CPEB1: variants seen among roughly 807,000 people sequenced by gnomAD.
The protein encoded by CPEB1 is cytoplasmic polyadenylation element-binding protein 1.
In CPEB1, 7 loss-of-function variants were observed where a neutral mutation model predicts 65.8. The observed-to-expected ratio is 0.11, with a 90% CI of 0.06 to 0.20. The LOEUF is 0.20. Among genes scored for constraint, CPEB1 ranks in the 10% least tolerant of loss-of-function variants. The probability of loss-of-function intolerance (pLI) is 1.00; values close to 1 mark genes in which losing one functional copy is unlikely to be tolerated. For synonymous variants in CPEB1, 262 were observed against 260.0 expected (o/e 1.01, Z -0.08); for missense variants, 551 against 712.2 (o/e 0.77, Z 2.58).
At chr15:82,621,832 C>T (rs1168324057) in intron 3 of CPEB1, among the ~76,000 whole-genome samples, 1 of 152,158 alleles carries the variant, frequency 6.6e-6, no homozygotes, top group African/African-American at 2.4e-5. Context: ...CATATCAGTG[C>T]TAAACCTTAC....
intron 4 of CPEB1, chr15:82,562,196 G>A (rs1221409526): frequency 2.3e-6 from 1 of 440,586 alleles, no homozygotes; most frequent in Non-Finnish European, 4.5e-6. Context: ...ACATCTGTTT[G>A]TCTTCACATT....
intron 1 of CPEB1, among the ~76,000 whole-genome samples, chr15:82,644,222 G>A (rs1167085855): frequency 6.6e-6 from 1 of 152,118 alleles, no homozygotes; most frequent in Non-Finnish European, 1.5e-5. Flanking sequence ...TGGGATTCCT[G>A]CCAATGCAGT....
In CPEB1 at chr15:82,546,491, G is replaced by C. The variant is rs781151443; in HGVS notation, c.1606C>G (p.Leu536Val). 2 of 1,614,082 alleles carry C rather than the reference G, an allele frequency of 1.2e-6. No homozygotes were observed. The highest frequency in any genetic ancestry group is 1.1e-5 in the South Asian group (1 of 91,078). The change falls in exon 12 of 13, where the codon CTG becomes GTG. Residue 536 changes from leucine to valine, a missense_variant. Transcript: ENST00000684509. ...VQIDPYLEDS[L>V]CHICSSQPGP... ...GGCTGAGAACTGCAGATATGACACA[G>C]AGAATCTTCTAGGTAGGGGTCAATC...
At chr15:82,617,196 A>G (rs912499976) in intron 3 of CPEB1, among the ~76,000 whole-genome samples, 16 of 152,220 alleles carry the variant, frequency 1.1e-4, no homozygotes, top group Non-Finnish European at 2.2e-4. Flanking sequence ...CTTTCACTGA[A>G]CATAATTATC....
At chr15:82,617,794 C>T (rs552348086) in intron 3 of CPEB1, among the ~76,000 whole-genome samples, 7 of 115,274 alleles carry the variant, frequency 6.1e-5, no homozygotes, top group Admixed American at 1.2e-4. Flanking sequence ...AGTGCAGTGG[C>T]GGGATCTCGG....
chr15:82,608,317 T>A (rs995148409), intron 3 of CPEB1, among the ~76,000 whole-genome samples: 2 of 152,316 alleles, frequency 1.3e-5, no homozygotes, highest in Admixed American at 1.3e-4. Context: ...AATGGCTGGC[T>A]GTACTTGGTG....
At chr15:82,642,655 C>G (rs1372770531) in intron 1 of CPEB1, among the ~76,000 whole-genome samples, 2 of 152,172 alleles carry the variant, frequency 1.3e-5, no homozygotes, top group Non-Finnish European at 2.9e-5. Context: ...TCTTACATAA[C>G]CCCCTCTACC....
chr15:82,565,996 G>A (rs1388041320), intron 4 of CPEB1, among the ~76,000 whole-genome samples: 1 of 152,170 alleles, frequency 6.6e-6, no homozygotes, highest in Non-Finnish European at 1.5e-5. Context: ...ACCTCAGAGG[G>A]TATAAGAGAC....
intron 4 of CPEB1, among the ~76,000 whole-genome samples, chr15:82,566,546 A>G (rs577537701): frequency 6.6e-6 from 1 of 152,258 alleles, no homozygotes; most frequent in African/African-American, 2.4e-5. Flanking sequence ...CAGAGTGTGG[A>G]CTTCCCCCCG....
intron 9 of CPEB1, among the ~76,000 whole-genome samples, chr15:82,550,594 G>A (rs924756628): frequency 6.6e-6 from 1 of 152,168 alleles, no homozygotes; most frequent in African/African-American, 2.4e-5. Context: ...CAAGAGGGGA[G>A]CCAATTTCAC....
At chr15:82,611,858 A>AG (rs1486999241) in intron 3 of CPEB1, among the ~76,000 whole-genome samples, 1 of 151,884 alleles carries the variant, frequency 6.6e-6, no homozygotes, top group Admixed American at 6.6e-5. Context: ...GAATCGGGGG[A>AG]GGGAGGGATC....
intron 3 of CPEB1, among the ~76,000 whole-genome samples, chr15:82,585,359 A>G (rs956897847): frequency 6.6e-6 from 1 of 152,272 alleles, no homozygotes; most frequent in African/African-American, 2.4e-5. Context: ...TTAAGCTTTC[A>G]GCGGCAAAGT....
chr15:82,573,219 C>T (rs1287160781), intron 3 of CPEB1: 1 of 1,443,020 alleles, frequency 6.9e-7, no homozygotes, highest in East Asian at 2.6e-5. Flanking sequence ...AATTATCAGT[C>T]TCCTTCCTTT....
rs370076554 is a variant in CPEB1, at chr15:82,552,551, C to A, written c.1210G>T (p.Asp404Tyr). Reference sequence around the variant, plus strand: ...CTCAGGCCATCTGGGCTCAGCGGGTCATGAGAGCAAGCCTGAAGCAAGGAT... The same window carrying A: ...CTCAGGCCATCTGGGCTCAGCGGGTAATGAGAGCAAGCCTGAAGCAAGGAT... ...VRSLLQACSH[D>Y]PLSPDGLSEY... The change falls in exon 9 of 13, where the codon GAC becomes TAC. Residue 404 changes from aspartate (D) to tyrosine (Y), a missense_variant. Physicochemically the swap from Asp to Tyr is radical, Grantham distance 160 (BLOSUM62 -3). Transcript: ENST00000684509. 6.2e-7 allele frequency: 1 copy of A among 1,612,740 alleles called. No individual in the cohort carries two copies. Among genetic ancestry groups the A allele is most frequent in the Non-Finnish European group, 8.5e-7 (1 of 1,179,448 alleles).
chr15:82,593,488 T>A (rs2042424138), intron 3 of CPEB1, among the ~76,000 whole-genome samples: 1 of 152,240 alleles, frequency 6.6e-6, no homozygotes, highest in Admixed American at 6.5e-5. Context: ...CTCTTGCTAT[T>A]TCCACCACGT....
chr15:82,563,520 T>TTTTTATTC (rs2038607201), intron 4 of CPEB1, among the ~76,000 whole-genome samples: 1 of 146,796 alleles, frequency 6.8e-6, no homozygotes. Flanking sequence ...TTTTTTTTTT[T>TTTTTATTC]TGGTAGAGGC....
chr15:82,594,541 G>A (rs1022267814), intron 3 of CPEB1, among the ~76,000 whole-genome samples: 2 of 152,012 alleles, frequency 1.3e-5, no homozygotes, highest in Admixed American at 6.6e-5. Flanking sequence ...CTTCTATCTC[G>A]ACTACTCAAA....
intron 3 of CPEB1, among the ~76,000 whole-genome samples, chr15:82,596,807 T>C (rs1034810774): frequency 2.6e-5 from 4 of 151,890 alleles, no homozygotes; most frequent in African/African-American, 9.7e-5. Context: ...AACTGTTAAG[T>C]AGTTTTGATA....
At chr15:82,561,447 T>C (rs937670654) in intron 4 of CPEB1, among the ~76,000 whole-genome samples, 2 of 151,674 alleles carry the variant, frequency 1.3e-5, no homozygotes, top group African/African-American at 4.9e-5. Flanking sequence ...GCTCTGAGAG[T>C]TGTCAAGGGA....
Sources: gnomAD v4.1 joint callset for allele counts (sites outside exome capture counted in the v4.1 genomes callset) on GRCh38, gnomAD v4.1.1 for gene constraint, MANE v1.5 for transcripts, NCBI Gene and HGNC (gene_info 2026-07-23, HGNC 2026-07-21) for gene names.